Variants in AMHR2 observed in about 807,000 individuals in gnomAD.
The protein encoded by AMHR2 is anti-Muellerian hormone type-2 receptor.
A neutral mutation model predicts 61.4 loss-of-function variants in AMHR2; 36 were observed. The ratio of observed to expected loss-of-function variants is 0.59; its 90% confidence interval spans 0.45 to 0.77. AMHR2 has a LOEUF of 0.77. AMHR2 is among the 30% of genes least tolerant of loss of function. The pLI is 0.00. For missense variants in AMHR2, 638 were observed against 714.6 expected (o/e 0.89, Z 1.22); for synonymous variants, 258 against 279.4 (o/e 0.92, Z 0.76).
At chr12:53,430,012 C>T (rs761389371) in intron 9 of AMHR2, 34 bp downstream of exon 9, 1 of 1,614,160 alleles carries the variant, frequency 6.2e-7, no homozygotes, top group Non-Finnish European at 8.5e-7. Context: ...CTCTCCTGGG[C>T]TCCCCCCCGC....
intron 7 of AMHR2, 98 bp from the exon 8 acceptor site, chr12:53,429,355 G>A: frequency 3.8e-6 from 5 of 1,327,110 alleles, no homozygotes; most frequent in South Asian, 1.2e-5. Context: ...TCGCGACACT[G>A]CACTCCAGCC....
Position 53,425,356 on chromosome 12 carries a change from C to T in AMHR2, c.503-99C>T, listed in dbSNP as rs547117664. 1,403 of 1,604,160 alleles carry T rather than the reference C, an allele frequency of 8.7e-4. 1 individual carries two copies. The highest frequency in any genetic ancestry group is 1.1e-3 in the Non-Finnish European group (1,337 of 1,176,518). On this transcript the variant is annotated intron_variant, in intron 4 of 10. Transcript: ENST00000257863. ...CTTGGGATCTCTATAGCCTGATTCCCGGACTCCCATGACCTCTCACAAAGC... is the reference window on the plus strand; with the variant it reads ...CTTGGGATCTCTATAGCCTGATTCCTGGACTCCCATGACCTCTCACAAAGC...
At chr12:53,429,809 C>A (rs1240695364) in intron 8 of AMHR2, 22 bp from the exon 9 acceptor site, 1 of 1,613,942 alleles carries the variant, frequency 6.2e-7, no homozygotes, top group Non-Finnish European at 8.5e-7. Flanking sequence ...TGATTCTTGG[C>A]CCTTCGTGCC....
At chr12:53,424,074 G>A in intron 1 of AMHR2, 91 bp downstream of exon 1, 1 of 1,505,398 alleles carries the variant, frequency 6.6e-7, no homozygotes, top group African/African-American at 1.4e-5. Flanking sequence ...TGGAAGAGTG[G>A]TGAGTGGGCT....
At position 53,431,261 on chromosome 12, in the gene AMHR2, C is replaced by T. The variant is rs772294564; in HGVS notation, c.1510C>T (p.Arg504Cys). Residue 504 changes from arginine to cysteine, a missense_variant, in exon 11 of 11, where the codon CGC becomes TGC. Physicochemically the swap from Arg to Cys is radical, Grantham distance 180. Transcript: ENST00000257863. The part of the protein sequence containing the change: ...ARLTAECVQQ[R>C]LAALAHPQES... ...GCTGACAGCTGAGTGTGTACAGCAG[C>T]GCCTGGCTGCCTTGGCCCATCCTCA... 6 of 1,614,114 alleles carry T rather than the reference C, an allele frequency of 3.7e-6. No individual in the cohort carries two copies. The highest frequency in any genetic ancestry group is 2.2e-5 in the South Asian group (2 of 91,094).
Position 53,429,927 on chromosome 12 carries a change from T to C in AMHR2, c.1237T>C (p.Leu413=). ...CCTCCGACGAGCTGATATTTACTCT[T>C]TGGCTCTGCTCCTGTGGGAGATACT... ...MALRRADIYS[L]ALLLWEILSR... The change falls in exon 9 of 11, where the codon TTG becomes CTG. Residue 413 remains leucine, a synonymous_variant. Coordinates refer to ENST00000257863, the MANE Select transcript of AMHR2 (RefSeq NM_020547.3). 6.2e-7 allele frequency: 1 copy of C among 1,614,192 alleles called. No homozygotes were observed. The highest frequency in any genetic ancestry group is 8.5e-7 in the Non-Finnish European group (1 of 1,180,036).
At chr12:53,425,132 C>T in intron 3 of AMHR2, 33 bp from the exon 4 acceptor site, 3 of 1,612,816 alleles carry the variant, frequency 1.9e-6, no homozygotes, top group Non-Finnish European at 1.7e-6. Context: ...TGGGTCAGTG[C>T]TCTCCAGCCT....
intron 10 of AMHR2, chr12:53,430,914 T>C (rs1477579680): frequency 1.1e-4 from 62 of 557,154 alleles, no homozygotes. Flanking sequence ...GAGAGTAATT[T>C]CCCATTAGCA....
At chr12:53,426,108 A>G (rs1340014647) in intron 6 of AMHR2, among the ~76,000 whole-genome samples, 189 bp downstream of exon 6, 1 of 152,168 alleles carries the variant, frequency 6.6e-6, no homozygotes, top group Non-Finnish European at 1.5e-5. Context: ...AGGTGGGTGG[A>G]TCGCTTAAGC....
chr12:53,429,561 C>T lies in AMHR2; in HGVS notation c.1076C>T (p.Pro359Leu). ...IGDLGLALVL[P>L]GLTQPPAWTP... ...GACCTGGGCCTTGCCTTGGTGCTCC[C>T]TGGCCTCACTCAGCCCCCTGCCTGG... The change falls in exon 8 of 11, where the codon CCT (proline) becomes CTT (leucine). Residue 359 changes from proline (P) to leucine (L), a missense_variant. Pro to Leu is a moderately conservative substitution (Grantham distance 98). Transcript: ENST00000257863. 6.2e-7 allele frequency: 1 copy of T among 1,614,054 alleles called. No individual in the cohort carries two copies. The highest frequency in any genetic ancestry group is 8.5e-7 in the Non-Finnish European group (1 of 1,180,010).
Position 53,425,519 on chromosome 12 carries a change from A to G in AMHR2, c.567A>G (p.Ser189=). ...GEPVPEPRPD[S]GRDWSVELQE... is the part of the protein sequence containing the mutation. Reference sequence around the variant, plus strand: ...CAGTGCCAGAGCCAAGGCCAGACTCAGGCAGGGACTGGAGTGTGGAGCTGC... The same window carrying G: ...CAGTGCCAGAGCCAAGGCCAGACTCGGGCAGGGACTGGAGTGTGGAGCTGC... The change falls in exon 5 of 11, where the codon TCA becomes TCG. Residue 189 remains serine, a synonymous_variant. Transcript: ENST00000257863. The G allele has an allele frequency of 6.2e-7, 1 of 1,614,084 alleles. No individual in the cohort carries two copies. The highest frequency in any genetic ancestry group is 8.5e-7 in the Non-Finnish European group (1 of 1,180,026).
At position 53,425,577 on chromosome 12, in the gene AMHR2, C is replaced by T. The variant is rs1939502593; in HGVS notation, c.621+4C>T. On this transcript the variant is annotated splice_donor_region_variant and intron_variant, in intron 5 of 10. Coordinates refer to ENST00000257863, the MANE Select transcript of AMHR2 (RefSeq NM_020547.3). ...GCCTGAGCTGTGTTTCTCCCAGGTG[C>T]CCCAGGGAGGGAGAGAAGGGCTCCT... The T allele has an allele frequency of 1.2e-6, 2 of 1,613,562 alleles. No individual in the cohort carries two copies. The highest frequency in any genetic ancestry group is 1.7e-6 in the Non-Finnish European group (2 of 1,179,854).
chr12:53,424,924 C>T, intron 3 of AMHR2, 24 bp downstream of exon 3: 1 of 1,604,526 alleles, frequency 6.2e-7, no homozygotes, highest in Non-Finnish European at 8.5e-7. Flanking sequence ...GGTACTGAAG[C>T]CTGATGGGGG....
chr12:53,424,682 C>T, intron 2 of AMHR2, 27 bp from the exon 3 acceptor site: 1 of 1,609,584 alleles, frequency 6.2e-7, no homozygotes, highest in Non-Finnish European at 8.5e-7. Flanking sequence ...CCCTTTCTCT[C>T]CTCTTCCCCT....
Position 53,429,953 on chromosome 12 carries a change from G to A in AMHR2, c.1263G>A (p.Leu421=). ...TGGCTCTGCTCCTGTGGGAGATACT[G>A]AGCCGCTGCCCAGATTTGAGGCCTG... ...YSLALLLWEI[L]SRCPDLRPDS... Residue 421 remains leucine, a synonymous_variant, in exon 9 of 11, where the codon CTG becomes CTA. Coordinates refer to ENST00000257863, the MANE Select transcript of AMHR2 (RefSeq NM_020547.3). 1.2e-6 allele frequency: 2 copies of A among 1,614,200 alleles called. No homozygotes were observed. Among genetic ancestry groups the A allele is most frequent in the East Asian group, 2.2e-5 (1 of 44,886 alleles).
At chr12:53,429,665 T>C (rs1327500186) in intron 8 of AMHR2, 40 bp downstream of exon 8, 1 of 1,610,214 alleles carries the variant, frequency 6.2e-7, no homozygotes, top group Non-Finnish European at 8.5e-7. Context: ...AGGATGATGT[T>C]GGTGCTGCTG....
At chr12:53,427,464 G>T (rs1939712865) in intron 6 of AMHR2, among the ~76,000 whole-genome samples, 1 of 152,126 alleles carries the variant, frequency 6.6e-6, no homozygotes, top group Admixed American at 6.5e-5. Context: ...AGAGTGCAGT[G>T]GCACAATCTT....
At position 53,431,160 on chromosome 12, in the gene AMHR2, C is replaced by T. The variant is rs760894245; in HGVS notation, c.1426-17C>T. On this transcript the variant is annotated splice_polypyrimidine_tract_variant and intron_variant, in intron 10 of 10. Coordinates refer to ENST00000257863, the MANE Select transcript of AMHR2 (RefSeq NM_020547.3). ...AAGATCCTAGGGTCAACCCTTCCTCCCTGTCATTCCCCCCAGGACCCTGAT... is the reference window on the plus strand; with the variant it reads ...AAGATCCTAGGGTCAACCCTTCCTCTCTGTCATTCCCCCCAGGACCCTGAT... 2.5e-6 allele frequency: 4 copies of T among 1,613,688 alleles called. No individual in the cohort carries two copies. The highest frequency in any genetic ancestry group is 3.4e-6 in the Non-Finnish European group (4 of 1,180,050).
rs1939495438 is a variant in AMHR2 at position 53,425,529 on chromosome 12, T to C, written c.577T>C (p.Trp193Arg). The C allele has an allele frequency of 6.2e-7, 1 of 1,614,104 alleles. No homozygotes were observed. Among genetic ancestry groups the C allele is most frequent in the Non-Finnish European group, 8.5e-7 (1 of 1,180,038 alleles). Residue 193 changes from tryptophan to arginine, a missense_variant, in exon 5 of 11, where the codon TGG becomes CGG. Trp to Arg is a moderately radical substitution (Grantham distance 101, BLOSUM62 -3). Coordinates refer to ENST00000257863, the MANE Select transcript of AMHR2 (RefSeq NM_020547.3). ...GCCAAGGCCAGACTCAGGCAGGGAC[T>C]GGAGTGTGGAGCTGCAGGAGCTGCC... is the stretch of plus-strand genomic sequence containing the variant. Reference protein sequence around the residue: ...PEPRPDSGRDWSVELQELPEL... With the variant: ...PEPRPDSGRDRSVELQELPEL...
Sources: allele counts gnomAD v4.1 joint callset (sites outside exome capture counted in the v4.1 genomes callset), GRCh38; gene constraint gnomAD v4.1.1; transcripts MANE v1.5; gene names NCBI Gene and HGNC (gene_info 2026-07-23, HGNC 2026-07-21).